The following GRM5 variants were observed in gnomAD, a reference collection of about 807,000 sequenced individuals.
GRM5 encodes the protein metabotropic glutamate receptor 5.
In GRM5, 19 loss-of-function variants were observed where a neutral mutation model predicts 83.1. The ratio of observed to expected loss-of-function variants is 0.23; its 90% CI spans 0.16 to 0.34. The LOEUF is 0.34. GRM5 is among the 10% of genes least tolerant of loss of function. The probability of loss-of-function intolerance (pLI) is 1.00; values close to 1 mark genes in which losing one functional copy is unlikely to be tolerated. For synonymous variants in GRM5, 675 were observed against 633.6 expected (o/e 1.07, Z -0.98); for missense variants, 1,160 against 1,588.3 (o/e 0.73, Z 4.58).
intron 1 of GRM5, among the ~76,000 whole-genome samples, chr11:89,063,151 G>A (rs1942030239): frequency 1.3e-5 from 2 of 152,170 alleles, no homozygotes; most frequent in African/African-American, 4.8e-5. Flanking sequence ...CGAGCCCTCG[G>A]GTGGTTTGTG....
chr11:88,808,859 C>A (rs932764651), intron 3 of GRM5, among the ~76,000 whole-genome samples: 2 of 151,956 alleles, frequency 1.3e-5, no homozygotes, highest in African/African-American at 4.8e-5. Context: ...ATTAATTCTG[C>A]TTCCCAGGAT....
intron 2 of GRM5, among the ~76,000 whole-genome samples, chr11:88,959,870 T>G (rs1345920522): frequency 6.6e-6 from 1 of 152,202 alleles, no homozygotes; most frequent in African/African-American, 2.4e-5. Context: ...AACAAAGTCT[T>G]CTTGACAGAA....
intron 2 of GRM5, 59 bp from the exon 3 acceptor site, chr11:88,850,214 G>A (rs1385804389): frequency 2.0e-5 from 15 of 734,682 alleles, no homozygotes; most frequent in Non-Finnish European, 2.9e-5. Flanking sequence ...CATTAATTGG[G>A]TATAATCAGA....
chr11:88,864,507 T>C (rs767864775), intron 2 of GRM5, among the ~76,000 whole-genome samples: 8 of 152,074 alleles, frequency 5.3e-5, no homozygotes, highest in South Asian at 2.1e-4. Flanking sequence ...CTTGTGATTT[T>C]TGCACATTGA....
chr11:88,801,494 T>C (rs1943393207), intron 3 of GRM5, among the ~76,000 whole-genome samples: 1 of 152,196 alleles, frequency 6.6e-6, no homozygotes, highest in South Asian at 2.1e-4. Context: ...AGCAGTCTGC[T>C]AGAACTGCAC....
rs916677293 is a variant in GRM5, at chr11:88,995,827, AAT to A, written c.661+51383_661+51384del. ...ACTCAAATCTTGAAATTCCAAATAA[AAT>A]ATCTACAAATGTATAAGAAGAATGA... is the stretch of plus-strand genomic sequence containing the variant. On this transcript the variant is annotated intron_variant, in intron 2 of 9. Transcript: ENST00000305447. Among the ~76,000 whole-genome samples, 121 of 152,212 alleles carry A rather than the reference AAT, an allele frequency of 7.9e-4. 2 individuals are homozygous for A. The highest frequency in any genetic ancestry group is 7.9e-4 in the Admixed American group (12 of 15,280).
At chr11:88,733,520 G>T (rs992713632) in intron 3 of GRM5, among the ~76,000 whole-genome samples, 1 of 152,076 alleles carries the variant, frequency 6.6e-6, no homozygotes, top group Admixed American at 6.6e-5. Context: ...GCTAGGAGTT[G>T]TCTTAATATG....
chr11:88,702,706 A>C (rs1434335302), intron 3 of GRM5, among the ~76,000 whole-genome samples: 1 of 152,088 alleles, frequency 6.6e-6, no homozygotes, highest in Non-Finnish European at 1.5e-5. Context: ...ATATATGGAG[A>C]TAAGTATATA....
chr11:89,039,870 C>T (rs541767255), intron 2 of GRM5, among the ~76,000 whole-genome samples: 53 of 152,278 alleles, frequency 3.5e-4, no homozygotes, highest in East Asian at 1.2e-3. Flanking sequence ...GTGCAAACTT[C>T]GCTCACTTCA....
intron 3 of GRM5, among the ~76,000 whole-genome samples, chr11:88,847,818 T>C (rs879758063): frequency 8.5e-5 from 13 of 152,194 alleles, no homozygotes; most frequent in East Asian, 5.8e-4. Context: ...ATGTTTATCA[T>C]ATACAAAATA....
intron 3 of GRM5, among the ~76,000 whole-genome samples, chr11:88,690,119 T>C (rs16914559): frequency 0.013 from 2,011 of 152,274 alleles, 48 homozygotes; most frequent in African/African-American, 0.046. Context: ...ATGATTCTTA[T>C]CTGGTAGTAA....
chr11:88,815,810 G>T (rs1212932699), intron 3 of GRM5, among the ~76,000 whole-genome samples: 1 of 152,156 alleles, frequency 6.6e-6, no homozygotes, highest in Non-Finnish European at 1.5e-5. Context: ...CTGTCATTAG[G>T]CCCCACCTCC....
chr11:88,739,149 C>T (rs1302165880), intron 3 of GRM5, among the ~76,000 whole-genome samples: 1 of 152,012 alleles, frequency 6.6e-6, no homozygotes, highest in Non-Finnish European at 1.5e-5. Flanking sequence ...CCTATGTTTG[C>T]TTTCTGTAAC....
At chr11:88,667,749 T>C (rs1940080497) in intron 3 of GRM5, among the ~76,000 whole-genome samples, 1 of 151,652 alleles carries the variant, frequency 6.6e-6, no homozygotes, top group African/African-American at 2.4e-5. Flanking sequence ...CAAAATTAGC[T>C]GTATGTGGTG....
chr11:88,843,612 G>C (rs1832226555), intron 3 of GRM5, among the ~76,000 whole-genome samples: 1 of 152,114 alleles, frequency 6.6e-6, no homozygotes. Flanking sequence ...ATGGCTAAAT[G>C]CTCAAGTGAA....
intron 2 of GRM5, among the ~76,000 whole-genome samples, chr11:89,040,831 GA>G (rs1800659267): frequency 6.6e-6 from 1 of 151,336 alleles, no homozygotes. Flanking sequence ...AGGGAAGGAA[GA>G]AAAAAAATTC....
intron 2 of GRM5, among the ~76,000 whole-genome samples, chr11:88,900,687 G>A (rs1945299795): frequency 6.6e-6 from 1 of 152,012 alleles, no homozygotes; most frequent in Admixed American, 6.6e-5. Flanking sequence ...ATTAGACATT[G>A]TGCTATGAAC....
intron 4 of GRM5, among the ~76,000 whole-genome samples, chr11:88,648,653 TAAAAAA>T (rs66739287): frequency 1.3e-5 from 2 of 148,444 alleles, no homozygotes; most frequent in Non-Finnish European, 3.0e-5. Flanking sequence ...TAAAGTATAA[TAAAAAA>T]AAAAAAAGAT....
intron 2 of GRM5, among the ~76,000 whole-genome samples, chr11:88,962,717 G>A (rs1415040313): frequency 6.6e-6 from 1 of 152,052 alleles, no homozygotes; most frequent in Non-Finnish European, 1.5e-5. Flanking sequence ...GTATCTTACA[G>A]TCTGATTCAA....
Sources: allele counts gnomAD v4.1 joint callset (sites outside exome capture counted in the v4.1 genomes callset), GRCh38; gene constraint gnomAD v4.1.1; transcripts MANE v1.5; gene names NCBI Gene and HGNC (gene_info 2026-07-23, HGNC 2026-07-21).